Variants in EPHA6 observed in about 807,000 individuals in gnomAD.
EPHA6 encodes the protein ephrin type-A receptor 6.
EPHA6 carries 50 observed loss-of-function variants against 112.0 expected under a neutral mutation model. That is an observed-to-expected ratio of 0.45 (90% CI 0.36 to 0.56). The LOEUF is 0.56. Among genes scored for constraint, EPHA6 ranks in the 20% least tolerant of loss-of-function variants. The pLI is 0.00. For missense variants in EPHA6, 1,280 were observed against 1,417.4 expected, an observed-to-expected ratio of 0.90 and a Z score of 1.56; for synonymous variants, 529 against 490.7, an observed-to-expected ratio of 1.08 and a Z score of -1.03.
chr3:97,198,126 G>T (rs2108492128), intron 3 of EPHA6, among the ~76,000 whole-genome samples: 1 of 152,134 alleles, frequency 6.6e-6, no homozygotes, highest in South Asian at 2.1e-4. Flanking sequence ...TTAAAACCAG[G>T]TACTATGGTC....
chr3:97,393,902 A>G (rs980834372), intron 5 of EPHA6, among the ~76,000 whole-genome samples: 9 of 151,760 alleles, frequency 5.9e-5, no homozygotes, highest in African/African-American at 1.5e-4. Flanking sequence ...AAATGACAGG[A>G]TTTTGTTATT....
intron 2 of EPHA6, among the ~76,000 whole-genome samples, chr3:96,913,706 A>G (rs2039345913): frequency 6.6e-6 from 1 of 152,168 alleles, no homozygotes; most frequent in South Asian, 2.1e-4. Context: ...TCTTTTATGT[A>G]CTAGTACTCA....
chr3:97,125,501 C>A (rs974432460), intron 3 of EPHA6, among the ~76,000 whole-genome samples: 1 of 152,076 alleles, frequency 6.6e-6, no homozygotes, highest in Non-Finnish European at 1.5e-5. Context: ...CCCTTGAATG[C>A]AAGAATAAGT....
Position 97,759,512 on chromosome 3 carries a change from A to C in EPHA6, c.*10811A>C, listed in dbSNP as rs899308961. 1 of 230,506 alleles carries C rather than the reference A, an allele frequency of 4.3e-6. No homozygotes were observed. The highest frequency in any genetic ancestry group is 2.2e-5 in the African/African-American group (1 of 45,202). 14.3% of individuals were successfully genotyped at this position (230,506 alleles called of 1,614,324 possible). A position where few individuals can be genotyped will look rare whatever the true frequency, so the allele number is the denominator to read the frequency against. On this transcript the variant is annotated 3_prime_UTR_variant, in exon 18 of 18. Transcript: ENST00000389672. ...AAAATGACTTGGCAGACAGGGGAAA[A>C]CTGATTATGCAAGAGAGATGATAAT... is the stretch of plus-strand genomic sequence containing the variant.
chr3:97,467,300 T>A (rs549423919), intron 7 of EPHA6, among the ~76,000 whole-genome samples: 1 of 151,842 alleles, frequency 6.6e-6, no homozygotes, highest in African/African-American at 2.4e-5. Context: ...TCATTTTCTT[T>A]AAATATTTTT....
intron 5 of EPHA6, among the ~76,000 whole-genome samples, chr3:97,351,756 T>C (rs2083825014): frequency 6.6e-6 from 1 of 152,280 alleles, no homozygotes; most frequent in Middle Eastern, 3.4e-3. Context: ...TGTTAACTTA[T>C]ATGTCATAAA....
chr3:96,902,596 C>G (rs1575979363), intron 2 of EPHA6, among the ~76,000 whole-genome samples: 1 of 152,146 alleles, frequency 6.6e-6, no homozygotes, highest in East Asian at 1.9e-4. Flanking sequence ...CTCATCTAGG[C>G]TATTGATGGA....
intron 14 of EPHA6, among the ~76,000 whole-genome samples, chr3:97,717,010 A>G (rs77404195): frequency 0.053 from 8,079 of 152,146 alleles, 682 homozygotes; most frequent in African/African-American, 0.18. Flanking sequence ...CAGGAGTTCA[A>G]TATGGACCAT....
chr3:97,549,354 C>A (rs1355651828), intron 11 of EPHA6, among the ~76,000 whole-genome samples: 1 of 152,042 alleles, frequency 6.6e-6, no homozygotes, highest in African/African-American at 2.4e-5. Flanking sequence ...GATTGACTTG[C>A]AAACACTAAA....
chr3:97,047,602 A>G (rs890086258), intron 3 of EPHA6, among the ~76,000 whole-genome samples: 10 of 151,974 alleles, frequency 6.6e-5, no homozygotes, highest in African/African-American at 2.4e-4. Context: ...GAAGTCTGGA[A>G]ATAGGAAAAC....
intron 5 of EPHA6, among the ~76,000 whole-genome samples, chr3:97,340,275 T>C (rs1424175985): frequency 6.6e-6 from 1 of 152,182 alleles, no homozygotes; most frequent in Non-Finnish European, 1.5e-5. Context: ...CCACCCGTGG[T>C]TGGAGGCATC....
chr3:97,400,205 A>T (rs1030290596), intron 5 of EPHA6, among the ~76,000 whole-genome samples: 47 of 151,536 alleles, frequency 3.1e-4, no homozygotes, highest in African/African-American at 1.1e-3. Context: ...TGCCAAAAAC[A>T]TATATTGAGG....
At chr3:97,181,599 A>G (rs111601910) in intron 3 of EPHA6, among the ~76,000 whole-genome samples, 1,182 of 112,580 alleles carry the variant, frequency 0.01, 19 homozygotes, top group African/African-American at 0.051. Context: ...GTGTGTGTGT[A>G]TATATGTGTG....
At chr3:97,659,587 A>G (rs1009062828) in intron 14 of EPHA6, among the ~76,000 whole-genome samples, 2 of 151,940 alleles carry the variant, frequency 1.3e-5, no homozygotes. Flanking sequence ...AGAGATACAA[A>G]CCCAACAACC....
At chr3:96,993,377 A>G (rs148727014) in intron 3 of EPHA6, among the ~76,000 whole-genome samples, 1 of 151,346 alleles carries the variant, frequency 6.6e-6, no homozygotes, top group Admixed American at 6.6e-5. Flanking sequence ...CCGCACTGCA[A>G]CTTCCGCCTC....
chr3:97,162,356 G>A (rs2076433720), intron 3 of EPHA6, among the ~76,000 whole-genome samples: 1 of 152,138 alleles, frequency 6.6e-6, no homozygotes, highest in African/African-American at 2.4e-5. Flanking sequence ...GAACTACTGG[G>A]ATTCTGCCAC....
At chr3:97,083,314 A>T (rs1293369133) in intron 3 of EPHA6, among the ~76,000 whole-genome samples, 3 of 151,982 alleles carry the variant, frequency 2.0e-5, no homozygotes, top group Non-Finnish European at 4.4e-5. Flanking sequence ...CAGTGATCTC[A>T]TGGTTGATTC....
chr3:96,948,038 A>T (rs2107711034), intron 2 of EPHA6, among the ~76,000 whole-genome samples: 1 of 152,258 alleles, frequency 6.6e-6, no homozygotes, highest in South Asian at 2.1e-4. Context: ...TTTAGTACTG[A>T]ATAATATTCT....
intron 3 of EPHA6, among the ~76,000 whole-genome samples, chr3:97,022,219 T>C (rs922330766): frequency 1.1e-4 from 16 of 152,230 alleles, no homozygotes; most frequent in African/African-American, 3.9e-4. Context: ...AGTATACCAC[T>C]GAATATAGCA....
Sources: allele counts gnomAD v4.1 joint callset (sites outside exome capture counted in the v4.1 genomes callset), GRCh38; gene constraint gnomAD v4.1.1; transcripts MANE v1.5; gene names NCBI Gene and HGNC (gene_info 2026-07-23, HGNC 2026-07-21).